GPC6: variants seen among roughly 807,000 people sequenced by gnomAD.
GPC6 encodes the protein glypican 6.
GPC6 carries 14 observed loss-of-function variants against 55.2 expected under a neutral mutation model. The ratio of observed to expected loss-of-function variants is 0.25; its 90% CI spans 0.17 to 0.40. GPC6 has a LOEUF of 0.40. Among genes scored for constraint, GPC6 ranks in the 10% least tolerant of loss-of-function variants. GPC6 has a pLI of 1.00. For missense variants in GPC6, 641 were observed against 708.5 expected, an observed-to-expected ratio of 0.90 and a Z score of 1.08; for synonymous variants, 278 against 259.6, an observed-to-expected ratio of 1.07 and a Z score of -0.68.
chr13:94,336,795 A>G (rs1877728141), intron 6 of GPC6, among the ~76,000 whole-genome samples: 1 of 152,254 alleles, frequency 6.6e-6, no homozygotes, highest in Non-Finnish European at 1.5e-5. Context: ...CAGAAGGAAA[A>G]AAAAATCATT....
At chr13:93,880,896 G>T (rs1016507660) in intron 3 of GPC6, among the ~76,000 whole-genome samples, 6 of 136,090 alleles carry the variant, frequency 4.4e-5, no homozygotes, top group Non-Finnish European at 9.7e-5. Flanking sequence ...AAAAAAAAAA[G>T]CAAGAAAGAT....
intron 2 of GPC6, among the ~76,000 whole-genome samples, chr13:93,744,775 A>T (rs959706921): frequency 2.0e-5 from 3 of 151,690 alleles, no homozygotes; most frequent in African/African-American, 7.3e-5. Context: ...TGAAAAAAAA[A>T]TACAAAAATT....
At chr13:94,263,620 A>G (rs1427613628) in intron 4 of GPC6, among the ~76,000 whole-genome samples, 1 of 152,204 alleles carries the variant, frequency 6.6e-6, no homozygotes, top group Non-Finnish European at 1.5e-5. Context: ...CATAGCAGTC[A>G]TTTTGACTTA....
At chr13:93,873,751 G>T (rs974518275) in intron 3 of GPC6, among the ~76,000 whole-genome samples, 10 of 151,948 alleles carry the variant, frequency 6.6e-5, no homozygotes, top group African/African-American at 2.2e-4. Flanking sequence ...AGACTTTTCA[G>T]ATTTCAACCC....
chr13:93,799,158 G>T (rs1886295179), intron 2 of GPC6, among the ~76,000 whole-genome samples: 2 of 151,946 alleles, frequency 1.3e-5, no homozygotes, highest in African/African-American at 4.8e-5. Flanking sequence ...TACTGTCTCT[G>T]GTAATCTAGA....
chr13:93,504,296 A>G (rs1880625813), intron 1 of GPC6, among the ~76,000 whole-genome samples: 1 of 152,110 alleles, frequency 6.6e-6, no homozygotes, highest in Non-Finnish European at 1.5e-5. Flanking sequence ...AAATAAGAAT[A>G]TAGGATGCCT....
chr13:94,072,625 T>G (rs1348783481), intron 4 of GPC6, among the ~76,000 whole-genome samples: 5 of 152,224 alleles, frequency 3.3e-5, no homozygotes, highest in Admixed American at 1.3e-4. Flanking sequence ...GTGCTGGGAT[T>G]AGAGGCGTGA....
At chr13:93,882,584 A>G (rs1423874206) in intron 3 of GPC6, among the ~76,000 whole-genome samples, 1 of 151,860 alleles carries the variant, frequency 6.6e-6, no homozygotes, top group Admixed American at 6.6e-5. Context: ...TTTAATTTGT[A>G]TACATTAGAG....
At chr13:94,360,028 C>T (rs561987623) in intron 6 of GPC6, among the ~76,000 whole-genome samples, 1 of 152,262 alleles carries the variant, frequency 6.6e-6, no homozygotes, top group Admixed American at 6.5e-5. Flanking sequence ...TAGATACAGA[C>T]CATTAAATAT....
chr13:94,285,476 T>C (rs140242578), intron 4 of GPC6, among the ~76,000 whole-genome samples: 138 of 152,310 alleles, frequency 9.1e-4, no homozygotes, highest in African/African-American at 3.1e-3. Context: ...ACCTTACCTA[T>C]AGAAGATAAG....
At chr13:94,062,134 T>A (rs1373014621) in intron 4 of GPC6, among the ~76,000 whole-genome samples, 1 of 151,664 alleles carries the variant, frequency 6.6e-6, no homozygotes, top group Admixed American at 6.6e-5. Context: ...AAACTAATAT[T>A]TTTTTTTCGT....
intron 1 of GPC6, among the ~76,000 whole-genome samples, chr13:93,434,191 G>A (rs1343533730): frequency 6.6e-6 from 1 of 152,146 alleles, no homozygotes; most frequent in Non-Finnish European, 1.5e-5. Context: ...TTCTCACAGA[G>A]TCATGGCCCA....
intron 4 of GPC6, among the ~76,000 whole-genome samples, chr13:94,109,462 G>A (rs1886164796): frequency 6.6e-6 from 1 of 150,730 alleles, no homozygotes; most frequent in East Asian, 1.9e-4. Context: ...TATATTTCAA[G>A]ACTATTTTAG....
In GPC6 at chr13:93,368,469, A is replaced by T. The variant is rs927992944; in HGVS notation, c.160+140853A>T. ...ACTGAAATGATAGTATGCTGTCTTA[A>T]AAAGCTTGGTTGTAAAAGGAAGGAC... On this transcript the variant is annotated intron_variant, in intron 1 of 8. Coordinates refer to ENST00000377047, the MANE Select transcript of GPC6 (RefSeq NM_005708.5). Among the ~76,000 whole-genome samples the T allele has an allele frequency of 5.3e-5, 8 of 151,304 alleles. No individual in the cohort carries two copies. In the Admixed American group the frequency reaches 5.3e-4, roughly 10 times the overall value.
At chr13:93,770,572 CAGAAGCTTTGTGGAGGTAGAA>C in intron 2 of GPC6, among the ~76,000 whole-genome samples, 1 of 152,250 alleles carries the variant, frequency 6.6e-6, no homozygotes, top group African/African-American at 2.4e-5. Context: ...GGCTGTGCCT[CAGAAGCTTTGTGGAGGTAGAA>C]AGGCTTATCC....
intron 1 of GPC6, among the ~76,000 whole-genome samples, chr13:93,432,025 G>T (rs1877378826): frequency 6.6e-6 from 1 of 152,102 alleles, no homozygotes; most frequent in Non-Finnish European, 1.5e-5. Context: ...TTACTTAAAA[G>T]CTATAATCTA....
intron 3 of GPC6, among the ~76,000 whole-genome samples, chr13:93,886,884 C>A (rs989404873): frequency 6.6e-6 from 1 of 151,210 alleles, no homozygotes; most frequent in East Asian, 2.0e-4. Context: ...AGAAGAAATT[C>A]TATGATTGAT....
intron 1 of GPC6, among the ~76,000 whole-genome samples, chr13:93,414,400 T>C (rs1174748722): frequency 6.6e-6 from 1 of 152,144 alleles, no homozygotes; most frequent in African/African-American, 2.4e-5. Flanking sequence ...TGGCTACTTT[T>C]CATTGTAAAT....
intron 3 of GPC6, among the ~76,000 whole-genome samples, chr13:94,021,828 A>C (rs1421806056): frequency 6.6e-6 from 1 of 152,140 alleles, no homozygotes; most frequent in Non-Finnish European, 1.5e-5. Context: ...CCAAGATGTA[A>C]TGAATTCTTA....
Sources: allele counts gnomAD v4.1 joint callset (sites outside exome capture counted in the v4.1 genomes callset), GRCh38; gene constraint gnomAD v4.1.1; transcripts MANE v1.5; gene names NCBI Gene and HGNC (gene_info 2026-07-23, HGNC 2026-07-21).